FAM227A: variants seen among roughly 807,000 people sequenced by gnomAD.
The protein encoded by FAM227A is protein FAM227A.
FAM227A carries 80 observed loss-of-function variants against 74.7 expected under a neutral mutation model. The ratio of observed to expected loss-of-function variants is 1.07; its 90% confidence interval spans 0.89 to 1.29. FAM227A has a LOEUF of 1.29. Ranked by LOEUF, FAM227A falls within the 50% of genes most tolerant of loss-of-function variation. FAM227A has a pLI of 0.00. For missense variants in FAM227A, 654 were observed against 683.4 expected, an observed-to-expected ratio of 0.96 and a Z score of 0.48; for synonymous variants, 237 against 241.8, an observed-to-expected ratio of 0.98 and a Z score of 0.19.
intron 6 of FAM227A, among the ~76,000 whole-genome samples, chr22:38,631,286 AC>A (rs2091911062): frequency 6.6e-6 from 1 of 152,146 alleles, no homozygotes; most frequent in Non-Finnish European, 1.5e-5. Context: ...TAACTCAGAA[AC>A]AGAAAACAAA....
intron 15 of FAM227A, among the ~76,000 whole-genome samples, chr22:38,592,726 G>A (rs2090964546): frequency 6.6e-6 from 1 of 152,148 alleles, no homozygotes; most frequent in African/African-American, 2.4e-5. Context: ...TGAGAGAAAA[G>A]AAATTGTAAT....
At chr22:38,619,451 G>C (rs922204716) in intron 11 of FAM227A, among the ~76,000 whole-genome samples, 1 of 152,212 alleles carries the variant, frequency 6.6e-6, no homozygotes, top group Non-Finnish European at 1.5e-5. Flanking sequence ...AGCCTCCTGA[G>C]TAGCTGGGAC....
chr22:38,638,072 G>A (rs1160040277), intron 5 of FAM227A, among the ~76,000 whole-genome samples: 1 of 151,950 alleles, frequency 6.6e-6, no homozygotes, highest in Non-Finnish European at 1.5e-5. Context: ...GGCTAAGACA[G>A]GAGAATCACT....
chr22:38,596,874 G>A (rs1454635373), intron 15 of FAM227A, among the ~76,000 whole-genome samples: 1 of 152,024 alleles, frequency 6.6e-6, no homozygotes, highest in Non-Finnish European at 1.5e-5. Flanking sequence ...TTAGTGATAC[G>A]GATATATGGG....
intron 1 of FAM227A, among the ~76,000 whole-genome samples, chr22:38,654,816 C>T (rs1045689935): frequency 1.2e-4 from 18 of 148,050 alleles, no homozygotes; most frequent in East Asian, 7.9e-4. Context: ...GGCTTGGTGG[C>T]GGGCGCCTGT....
intron 14 of FAM227A, 56 bp downstream of exon 14, chr22:38,599,708 G>A: frequency 6.8e-7 from 1 of 1,476,748 alleles, no homozygotes. Context: ...TTGCTTCTGG[G>A]AAGAGGACGC....
intron 1 of FAM227A, among the ~76,000 whole-genome samples, chr22:38,653,084 CAT>C (rs1237408749): frequency 6.6e-6 from 1 of 152,096 alleles, no homozygotes; most frequent in Non-Finnish European, 1.5e-5. Context: ...CCATTCCTCA[CAT>C]GACTGCCTGA....
chr22:38,620,418 G>T, intron 10 of FAM227A, 127 bp from the exon 11 acceptor site: 1 of 692,078 alleles, frequency 1.4e-6, no homozygotes, highest in Middle Eastern at 2.9e-4. Flanking sequence ...TCTCTCTGTT[G>T]ACTCCACCTG....
intron 11 of FAM227A, among the ~76,000 whole-genome samples, chr22:38,613,225 ATAT>A (rs1156632418): frequency 5.1e-5 from 3 of 59,262 alleles, no homozygotes; most frequent in Non-Finnish European, 8.9e-5. Context: ...TGCTGTATAT[ATAT>A]TATATATATA....
At chr22:38,597,987 G>A (rs2091085094) in intron 14 of FAM227A, among the ~76,000 whole-genome samples, 1 of 140,362 alleles carries the variant, frequency 7.1e-6, no homozygotes, top group African/African-American at 2.7e-5. Context: ...AAGTTGCGGT[G>A]AGCCGAAATC....
intron 11 of FAM227A, among the ~76,000 whole-genome samples, chr22:38,613,878 A>G (rs1365839149): frequency 6.6e-6 from 1 of 152,096 alleles, no homozygotes; most frequent in African/African-American, 2.4e-5. Context: ...GAGAGCTAGA[A>G]TTCTTTTTTT....
At chr22:38,602,296 T>C (rs1384493186) in intron 13 of FAM227A, among the ~76,000 whole-genome samples, 2 of 152,168 alleles carry the variant, frequency 1.3e-5, no homozygotes, top group Admixed American at 1.3e-4. Flanking sequence ...CCTCCCCCAA[T>C]GTCCCCCTGC....
chr22:38,582,264 G>T lies in FAM227A; in HGVS notation c.*3861C>A. 1 of 1,392,166 alleles carries T rather than the reference G, an allele frequency of 7.2e-7. No homozygotes were observed. The highest frequency in any genetic ancestry group is 1.3e-5 in the South Asian group (1 of 78,132). 86.2% of individuals were successfully genotyped at this position (1,392,166 alleles called of 1,614,324 possible). A position where few individuals can be genotyped will look rare whatever the true frequency, so the allele number is the denominator to read the frequency against. ...TATCCCTCCTGTTCTTCAGGAAACT[G>T]TATGTTCTAAAACATACATTTCATC... On this transcript the variant is annotated 3_prime_UTR_variant, in exon 17 of 17. Transcript: ENST00000535113.
At chr22:38,626,799 G>GGTTCAAGTGGACA (rs1337420676) in intron 8 of FAM227A, among the ~76,000 whole-genome samples, 7 of 133,638 alleles carry the variant, frequency 5.2e-5, no homozygotes, top group Non-Finnish European at 1.1e-4. Flanking sequence ...ACTTGAACCA[G>GGTTCAAGTGGACA]GAGGACAGAG....
At chr22:38,603,463 G>A (rs1490312098) in intron 13 of FAM227A, among the ~76,000 whole-genome samples, 1 of 151,090 alleles carries the variant, frequency 6.6e-6, no homozygotes, top group African/African-American at 2.4e-5. Flanking sequence ...ACTCCAGCCT[G>A]GGCAACAGAG....
chr22:38,585,702 A>G lies in FAM227A; in HGVS notation c.*423T>C. 9.3e-6 allele frequency: 2 copies of G among 214,534 alleles called. No homozygotes were observed. The highest frequency in any genetic ancestry group is 1.9e-5 in the Non-Finnish European group (2 of 105,604). 13.3% of individuals were successfully genotyped at this position (214,534 alleles called of 1,614,324 possible). On this transcript the variant is annotated 3_prime_UTR_variant, in exon 17 of 17. Coordinates refer to ENST00000535113, the MANE Select transcript of FAM227A (RefSeq NM_001013647.2). The stretch of plus-strand genomic sequence containing the variant: ...CTACCAGATGGTGACTCCCTTGAGA[A>G]CAGGGACTGTGTCTTATCTACTGTT...
At chr22:38,620,599 C>T (rs972612323) in intron 10 of FAM227A, among the ~76,000 whole-genome samples, 2 of 151,292 alleles carry the variant, frequency 1.3e-5, no homozygotes, top group African/African-American at 2.4e-5. Flanking sequence ...GTCAGGAGAT[C>T]GAGACCATCC....
rs149258040 is a variant in FAM227A, at chr22:38,637,710, A to G, written c.372+1036T>C. 2.7e-3 allele frequency among the ~76,000 whole-genome samples: 408 copies of G among 152,324 alleles called. 2 individuals are homozygous for G. The highest frequency in any genetic ancestry group is 9.5e-3 in the African/African-American group (394 of 41,574). ...AGGACACTTAGCTCAGCCACCATCA[A>G]TGGATTGTATGACAGTTCCAATGCA... On this transcript the variant is annotated intron_variant, in intron 5 of 16. Transcript: ENST00000535113.
intron 10 of FAM227A, among the ~76,000 whole-genome samples, chr22:38,621,549 G>C (rs1226851154): frequency 2.0e-5 from 3 of 152,140 alleles, no homozygotes; most frequent in African/African-American, 7.2e-5. Context: ...AGGTTGCAGT[G>C]AGCTGAGATT....
Sources: allele counts gnomAD v4.1 joint callset (sites outside exome capture counted in the v4.1 genomes callset), GRCh38; gene constraint gnomAD v4.1.1; transcripts MANE v1.5; gene names NCBI Gene and HGNC (gene_info 2026-07-23, HGNC 2026-07-21).